The following RBPMS variants were observed in gnomAD, a reference collection of about 807,000 sequenced individuals.
The protein encoded by RBPMS is RNA binding protein, mRNA processing factor, also known as RNA-binding protein with multiple splicing.
RBPMS carries 7 observed loss-of-function variants against 26.8 expected under a neutral mutation model. The observed-to-expected ratio is 0.26, with a 90% CI of 0.15 to 0.49. The LOEUF is 0.49. Ranked by LOEUF, RBPMS falls within the 20% of genes least tolerant of loss-of-function variation. The pLI, the probability that RBPMS is intolerant of heterozygous loss-of-function variation, is 0.98. For synonymous variants in RBPMS, 96 were observed against 93.3 expected (o/e 1.03, Z -0.17); for missense variants, 186 against 250.0 (o/e 0.74, Z 1.73).
At chr8:30,504,507 C>T in intron 5 of RBPMS, 71 bp downstream of exon 5, 1 of 1,455,110 alleles carries the variant, frequency 6.9e-7, no homozygotes, top group Non-Finnish European at 9.5e-7. Context: ...TGTGAGGTTA[C>T]ACCATGGGAC....
At chr8:30,496,143 A>G (rs569596154) in intron 4 of RBPMS, among the ~76,000 whole-genome samples, 1 of 150,570 alleles carries the variant, frequency 6.6e-6, no homozygotes, top group East Asian at 2.0e-4. Flanking sequence ...ATTCAGTCAT[A>G]TAACAGCCTT....
chr8:30,558,872 C>T lies in RBPMS; in HGVS notation c.529-15C>T, dbSNP rs1827212161. 1 of 1,613,288 alleles carries T rather than the reference C, an allele frequency of 6.2e-7. No homozygotes were observed. Among genetic ancestry groups the T allele is most frequent in the Non-Finnish European group, 8.5e-7 (1 of 1,179,418 alleles). ...GGGGAGCCCTGGCTCACGGCCTTCTCCCATGTCTTTTCAGATGCGCTGGCT... is the reference window on the plus strand; with the variant it reads ...GGGGAGCCCTGGCTCACGGCCTTCTTCCATGTCTTTTCAGATGCGCTGGCT... On this transcript the variant is annotated splice_polypyrimidine_tract_variant and intron_variant, in intron 6 of 8. Coordinates refer to ENST00000397323, the MANE Select transcript of RBPMS (RefSeq NM_001008710.3).
chr8:30,444,887 ACCGAAAGCCAC>A (rs1391751552), intron 1 of RBPMS: 4 of 152,248 alleles, frequency 2.6e-5, no homozygotes, highest in Non-Finnish European at 4.4e-5. Context: ...CACGGTAAGA[ACCGAAAGCCAC>A]CCTGTGCATC....
At chr8:30,541,064 C>T (rs182710416) in intron 5 of RBPMS, among the ~76,000 whole-genome samples, 13 of 152,272 alleles carry the variant, frequency 8.5e-5, no homozygotes, top group African/African-American at 3.1e-4. Flanking sequence ...AGTTCTTAAA[C>T]CTTGTGTTAC....
intron 5 of RBPMS, among the ~76,000 whole-genome samples, chr8:30,533,467 A>G (rs2151017735): frequency 6.6e-6 from 1 of 152,328 alleles, no homozygotes; most frequent in African/African-American, 2.4e-5. Context: ...CTTTGTTGCT[A>G]GCAGCTTTGT....
chr8:30,496,274 T>G (rs993084695), intron 4 of RBPMS, among the ~76,000 whole-genome samples: 1 of 151,952 alleles, frequency 6.6e-6, no homozygotes, highest in Non-Finnish European at 1.5e-5. Flanking sequence ...TTTCACGCCA[T>G]TCTCCTGCCT....
chr8:30,504,946 C>G (rs1236203514), intron 5 of RBPMS, among the ~76,000 whole-genome samples: 1 of 152,214 alleles, frequency 6.6e-6, no homozygotes, highest in East Asian at 1.9e-4. Context: ...TTGGAACTGT[C>G]AGTCTAGCAA....
chr8:30,494,742 G>A (rs1235703355), intron 4 of RBPMS, among the ~76,000 whole-genome samples: 3 of 152,128 alleles, frequency 2.0e-5, no homozygotes, highest in Non-Finnish European at 4.4e-5. Flanking sequence ...TAGTTTTCTC[G>A]ATACCTTTGC....
chr8:30,537,618 AGAAGT>A, intron 5 of RBPMS: 1 of 456,308 alleles, frequency 2.2e-6, no homozygotes, highest in South Asian at 1.5e-5. Context: ...AGTGAAGTGC[AGAAGT>A]GAAGGGTCTG....
chr8:30,503,840 T>C (rs1328707047), intron 4 of RBPMS, among the ~76,000 whole-genome samples: 2 of 152,186 alleles, frequency 1.3e-5, no homozygotes, highest in Non-Finnish European at 2.9e-5. Flanking sequence ...AATGAAGACA[T>C]TCTTGAATGG....
intron 1 of RBPMS, among the ~76,000 whole-genome samples, chr8:30,469,059 C>T (rs989371279): frequency 2.6e-5 from 4 of 152,218 alleles, no homozygotes; most frequent in African/African-American, 7.2e-5. Flanking sequence ...AGAGAAAATG[C>T]TCATAGTCTT....
chr8:30,512,703 T>G (rs1430548430), intron 5 of RBPMS, among the ~76,000 whole-genome samples: 1 of 152,198 alleles, frequency 6.6e-6, no homozygotes, highest in Non-Finnish European at 1.5e-5. Flanking sequence ...CCTCCCAAAG[T>G]GCTGAGATTA....
chr8:30,434,798 C>T (rs1001468507), intron 1 of RBPMS, among the ~76,000 whole-genome samples: 7 of 151,312 alleles, frequency 4.6e-5, no homozygotes, highest in African/African-American at 1.7e-4. Flanking sequence ...CACACACACA[C>T]ACATTTAGTT....
intron 4 of RBPMS, among the ~76,000 whole-genome samples, chr8:30,495,496 G>A (rs1819854932): frequency 6.6e-6 from 1 of 152,068 alleles, no homozygotes; most frequent in Admixed American, 6.6e-5. Flanking sequence ...CAGTATAGCT[G>A]TTTTACCAAT....
intron 1 of RBPMS, among the ~76,000 whole-genome samples, chr8:30,456,394 AG>A (rs10717520): frequency 0.94 from 142,428 of 152,164 alleles, 67,392 homozygotes; most frequent in Non-Finnish European, 1. Flanking sequence ...TGTAAGGCTA[AG>A]GGGTCCATAT....
chr8:30,464,125 G>A (rs1467840320), intron 1 of RBPMS, among the ~76,000 whole-genome samples: 2 of 152,062 alleles, frequency 1.3e-5, no homozygotes, highest in Non-Finnish European at 2.9e-5. Context: ...AGTGCAACCC[G>A]TTTCTTTAAA....
chr8:30,530,176 G>A (rs981956395), intron 5 of RBPMS, among the ~76,000 whole-genome samples: 1 of 152,188 alleles, frequency 6.6e-6, no homozygotes, highest in African/African-American at 2.4e-5. Context: ...ATTGTACAGA[G>A]CCCAAGTTTT....
chr8:30,508,622 ATT>A (rs67380106), intron 5 of RBPMS, among the ~76,000 whole-genome samples: 2 of 147,120 alleles, frequency 1.4e-5, no homozygotes, highest in African/African-American at 5.0e-5. Context: ...TACATAATGG[ATT>A]TTTTTTTTTG....
rs768196455 is a variant in RBPMS, at chr8:30,416,607, C to T, written c.66+31449C>T. 2.0e-5 allele frequency among the ~76,000 whole-genome samples: 3 copies of T among 152,094 alleles called. 1 individual carries two copies. The East Asian group carries it at 5.8e-4, about 29-fold the overall frequency. ...ATGCCATTCTCCTGCCTCAGCCTCCCGAGTAGCTGGGATGTGCCACCAGGC... is the reference window on the plus strand; with the variant it reads ...ATGCCATTCTCCTGCCTCAGCCTCCTGAGTAGCTGGGATGTGCCACCAGGC... On this transcript the variant is annotated intron_variant, in intron 1 of 8. Coordinates refer to ENST00000397323, the MANE Select transcript of RBPMS (RefSeq NM_001008710.3).
Sources: allele counts gnomAD v4.1 joint callset (sites outside exome capture counted in the v4.1 genomes callset), GRCh38; gene constraint gnomAD v4.1.1; transcripts MANE v1.5; gene names NCBI Gene and HGNC (gene_info 2026-07-23, HGNC 2026-07-21).